The following RALYL variants were observed in gnomAD, a reference collection of about 807,000 sequenced individuals.
RALYL encodes RNA-binding Raly-like protein.
RALYL carries 29 observed loss-of-function variants against 35.1 expected under a neutral mutation model. The observed-to-expected ratio is 0.83, with a 90% CI of 0.61 to 1.13. The LOEUF (loss-of-function observed/expected upper bound fraction) is 1.13, where lower values mean the gene tolerates loss of function less well. RALYL is among the 50% of genes most tolerant of loss of function. The pLI, the probability that RALYL is intolerant of heterozygous loss-of-function variation, is 0.00. For synonymous variants in RALYL, 120 were observed against 127.6 expected (o/e 0.94, Z 0.40); for missense variants, 359 against 360.4 (o/e 1.00, Z 0.03).
intron 1 of RALYL, among the ~76,000 whole-genome samples, chr8:84,217,353 T>C (rs1250020839): frequency 1.3e-5 from 2 of 152,124 alleles, no homozygotes; most frequent in Non-Finnish European, 2.9e-5. Context: ...AGCAAATACA[T>C]ATTAAAATGA....
At chr8:84,798,153 A>G (rs975593019) in intron 3 of RALYL, among the ~76,000 whole-genome samples, 1 of 152,256 alleles carries the variant, frequency 6.6e-6, no homozygotes, top group Admixed American at 6.5e-5. Context: ...CATTGATAAC[A>G]TGACTCCTGA....
chr8:84,350,333 G>A (rs1277118013), intron 1 of RALYL, among the ~76,000 whole-genome samples: 2 of 150,560 alleles, frequency 1.3e-5, no homozygotes, highest in Non-Finnish European at 3.0e-5. Context: ...TTGCTATACT[G>A]CAAAACTGCA....
chr8:84,407,094 ATTCTGTGT>A (rs2043615901), intron 1 of RALYL, among the ~76,000 whole-genome samples: 1 of 151,546 alleles, frequency 6.6e-6, no homozygotes. Context: ...ACAAGAATAT[ATTCTGTGT>A]GGTCTTGAAT....
chr8:84,913,851 A>G (rs1168807699), intron 8 of RALYL, among the ~76,000 whole-genome samples: 2 of 151,954 alleles, frequency 1.3e-5, no homozygotes, highest in African/African-American at 2.4e-5. Context: ...AGGGTTATGT[A>G]TAGGATAATA....
intron 1 of RALYL, among the ~76,000 whole-genome samples, chr8:84,402,319 A>G (rs890527899): frequency 3.2e-4 from 48 of 152,204 alleles, no homozygotes; most frequent in Non-Finnish European, 2.8e-4. Context: ...TTAATTCACT[A>G]TAAGAACTCA....
At chr8:84,274,650 T>C (rs1835008474) in intron 1 of RALYL, among the ~76,000 whole-genome samples, 1 of 152,184 alleles carries the variant, frequency 6.6e-6, no homozygotes, top group East Asian at 1.9e-4. Flanking sequence ...TCCTTTGGTG[T>C]TGGCATTTTT....
intron 2 of RALYL, among the ~76,000 whole-genome samples, chr8:84,659,775 G>A (rs1392979164): frequency 6.6e-6 from 1 of 152,040 alleles, no homozygotes; most frequent in African/African-American, 2.4e-5. Context: ...TTGAAATTTG[G>A]AAGATTTGTG....
chr8:84,304,661 T>G (rs993658205), intron 1 of RALYL, among the ~76,000 whole-genome samples: 37 of 152,222 alleles, frequency 2.4e-4, no homozygotes, highest in African/African-American at 8.9e-4. Flanking sequence ...TCAGAGTTTT[T>G]AAAGAAAAGT....
chr8:84,849,608 G>A (rs931764123), intron 4 of RALYL, among the ~76,000 whole-genome samples: 1 of 151,590 alleles, frequency 6.6e-6, no homozygotes, highest in African/African-American at 2.4e-5. Flanking sequence ...GCCCAGGCTG[G>A]AGTGCAGTGG....
At chr8:84,516,810 T>A (rs1410848291) in intron 1 of RALYL, among the ~76,000 whole-genome samples, 1 of 152,182 alleles carries the variant, frequency 6.6e-6, no homozygotes, top group East Asian at 1.9e-4. Flanking sequence ...AGAGCTGATA[T>A]GGGTATTCTA....
chr8:84,605,172 C>A (rs1450177296), intron 2 of RALYL, among the ~76,000 whole-genome samples: 2 of 151,948 alleles, frequency 1.3e-5, no homozygotes, highest in Non-Finnish European at 2.9e-5. Context: ...GGGGGTAAGA[C>A]CTCATTTATA....
chr8:84,858,235 C>T (rs1177402438), intron 5 of RALYL, among the ~76,000 whole-genome samples: 1 of 152,030 alleles, frequency 6.6e-6, no homozygotes, highest in East Asian at 1.9e-4. Context: ...AAATTAAATT[C>T]TCAAATTTTC....
chr8:84,540,919 A>G (rs1322678130), intron 2 of RALYL, among the ~76,000 whole-genome samples: 1 of 151,966 alleles, frequency 6.6e-6, no homozygotes, highest in African/African-American at 2.4e-5. Context: ...TGTACATTTG[A>G]TACACATTAT....
At chr8:84,621,041 C>CT (rs1184112951) in intron 2 of RALYL, among the ~76,000 whole-genome samples, 8 of 148,202 alleles carry the variant, frequency 5.4e-5, no homozygotes, top group African/African-American at 1.0e-4. Context: ...TTACTGCTGT[C>CT]TTTTTGTTTG....
intron 1 of RALYL, among the ~76,000 whole-genome samples, chr8:84,382,299 A>G (rs976892111): frequency 6.6e-6 from 1 of 150,884 alleles, no homozygotes; most frequent in African/African-American, 2.4e-5. Context: ...CCTTTGAAAT[A>G]GTTATCTTTA....
rs1477003555 is a variant in RALYL, at chr8:84,477,558, A to C, written c.-23-51741A>C. ...AAAATGATACATGTATATTAAATAA[A>C]AATACGATATATATTTTTGCTTACA... On this transcript the variant is annotated intron_variant, in intron 1 of 8. Coordinates refer to ENST00000521268, the MANE Select transcript of RALYL (RefSeq NM_173848.7). 3.3e-5 allele frequency among the ~76,000 whole-genome samples: 5 copies of C among 150,226 alleles called. No individual in the cohort carries two copies. In the East Asian group the frequency reaches 9.8e-4, roughly 29 times the overall value.
At chr8:84,644,593 C>T (rs1275464009) in intron 2 of RALYL, among the ~76,000 whole-genome samples, 2 of 152,038 alleles carry the variant, frequency 1.3e-5, no homozygotes, top group African/African-American at 2.4e-5. Flanking sequence ...CAATATTACT[C>T]ATGTCATGTT....
intron 1 of RALYL, among the ~76,000 whole-genome samples, chr8:84,208,140 T>G (rs1323603942): frequency 1.3e-5 from 2 of 152,156 alleles, no homozygotes; most frequent in Non-Finnish European, 2.9e-5. Context: ...ATTATGATAC[T>G]CTATAAGTAA....
At chr8:84,260,766 G>C (rs1832112061) in intron 1 of RALYL, among the ~76,000 whole-genome samples, 1 of 152,150 alleles carries the variant, frequency 6.6e-6, no homozygotes, top group African/African-American at 2.4e-5. Flanking sequence ...GAATAGCATT[G>C]CTAATTTTCA....
Sources: allele counts gnomAD v4.1 joint callset (sites outside exome capture counted in the v4.1 genomes callset), GRCh38; gene constraint gnomAD v4.1.1; transcripts MANE v1.5; gene names NCBI Gene and HGNC (gene_info 2026-07-23, HGNC 2026-07-21).